Variants in INTS10 observed in about 807,000 individuals in gnomAD.
INTS10 encodes integrator complex subunit 10, also known as chromosome 8 open reading frame 35.
INTS10 carries 44 observed loss-of-function variants against 94.4 expected under a neutral mutation model. The observed-to-expected ratio is 0.47, with a 90% confidence interval of 0.37 to 0.60. The LOEUF (loss-of-function observed/expected upper bound fraction) is 0.60, where lower values mean the gene tolerates loss of function less well. Ranked by LOEUF, INTS10 falls within the 20% of genes least tolerant of loss-of-function variation. The pLI, the probability that INTS10 is intolerant of heterozygous loss-of-function variation, is 0.00. For synonymous variants in INTS10, 341 were observed against 320.7 expected (o/e 1.06, Z -0.68); for missense variants, 797 against 868.7 (o/e 0.92, Z 1.04).
chr8:19,835,796 G>T (rs2128788108), intron 12 of INTS10, among the ~76,000 whole-genome samples: 1 of 152,348 alleles, frequency 6.6e-6, no homozygotes, highest in Admixed American at 6.5e-5. Context: ...TTTTGGGGCA[G>T]TCAGCCATGA....
chr8:19,838,616 C>G (rs2067861952), intron 13 of INTS10, among the ~76,000 whole-genome samples: 1 of 152,044 alleles, frequency 6.6e-6, no homozygotes, highest in South Asian at 2.1e-4. Context: ...ATAGTAAAAC[C>G]AAACAAGAGT....
intron 7 of INTS10, chr8:19,824,303 C>A (rs532386423): frequency 1.5e-5 from 4 of 270,752 alleles, no homozygotes; most frequent in Admixed American, 5.2e-5. Context: ...ACCAGCCTAG[C>A]CAACATGGTG....
At chr8:19,848,520 A>G (rs2068760306) in intron 16 of INTS10, among the ~76,000 whole-genome samples, 1 of 152,224 alleles carries the variant, frequency 6.6e-6, no homozygotes, top group Non-Finnish European at 1.5e-5. Context: ...TAGGGTGGAT[A>G]ATAATGTTCT....
At chr8:19,820,341 C>T (rs201798733) in intron 3 of INTS10, 38 bp from the exon 4 acceptor site, 65 of 1,580,744 alleles carry the variant, frequency 4.1e-5, no homozygotes, top group Non-Finnish European at 5.0e-5. Context: ...CTTTTCTGTC[C>T]GCAAGAAACT....
rs147593225 is a variant in INTS10, at chr8:19,843,200, A to G, written c.1719+273A>G. On this transcript the variant is annotated intron_variant, in intron 14 of 16. Coordinates refer to ENST00000397977, the MANE Select transcript of INTS10 (RefSeq NM_018142.4). The surrounding 1 kb of genome is among the most constrained non-coding windows in gnomAD (Gnocchi z 4.7). ...CCTTGACTGTTGTAGTGTTTGGTAA[A>G]TATTTTATCAATATAAATATATTAG... 2.1e-4 allele frequency among the ~76,000 whole-genome samples: 32 copies of G among 152,354 alleles called. No homozygotes were observed. Among genetic ancestry groups the G allele is most frequent in the Admixed American group, 1.8e-3 (28 of 15,304 alleles).
In INTS10 at chr8:19,817,564, C is replaced by T; in HGVS notation, c.27C>T (p.Phe9=). 1 of 1,608,944 alleles carries T rather than the reference C, an allele frequency of 6.2e-7. No homozygotes were observed. The highest frequency in any genetic ancestry group is 8.5e-7 in the Non-Finnish European group (1 of 1,178,428). The change falls in exon 1 of 17, where the codon TTC becomes TTT. Residue 9 remains phenylalanine (F), a synonymous_variant. Coordinates refer to ENST00000397977, the MANE Select transcript of INTS10 (RefSeq NM_018142.4). MSAQGDCE[F]LVQRARELVP... ...TGTCTGCCCAGGGGGACTGCGAGTT[C>T]CTGGTGCAGCGAGCCCGGGAGTTGG...
intron 6 of INTS10, 114 bp from the exon 7 acceptor site, chr8:19,823,759 G>T: frequency 1.0e-6 from 1 of 961,912 alleles, no homozygotes; most frequent in Non-Finnish European, 1.5e-6. Context: ...ACATAAGTAT[G>T]TTGGAATTCT....
intron 10 of INTS10, among the ~76,000 whole-genome samples, chr8:19,830,763 C>G (rs1469521169): frequency 2.0e-5 from 3 of 152,166 alleles, no homozygotes; most frequent in Non-Finnish European, 2.9e-5. Flanking sequence ...ACGCTCACCT[C>G]CTGGGTTCAA....
intron 4 of INTS10, 70 bp from the exon 5 acceptor site, chr8:19,822,369 C>G: frequency 3.7e-6 from 3 of 816,514 alleles, no homozygotes; most frequent in South Asian, 3.2e-5. Context: ...AAAAAATACC[C>G]CATTACTTCA....
At chr8:19,850,400 G>A (rs1342405099) in intron 16 of INTS10, among the ~76,000 whole-genome samples, 1 of 152,108 alleles carries the variant, frequency 6.6e-6, no homozygotes, top group African/African-American at 2.4e-5. Context: ...TTACCCCACG[G>A]CCCTGCTGTT....
At chr8:19,850,131 CA>C (rs36017013) in intron 16 of INTS10, among the ~76,000 whole-genome samples, 100 of 130,644 alleles carry the variant, frequency 7.7e-4, no homozygotes, top group African/African-American at 2.4e-3. Context: ...GATGCCATCT[CA>C]AAAAAAAAAA....
In INTS10 at chr8:19,837,150, A is replaced by G; in HGVS notation, c.1629A>G (p.Lys543=). The stretch of plus-strand genomic sequence containing the variant: ...AGGAACCCTCGAAAGTAAAGCCCAA[A>G]TTTAGAAAAGGTACAGTGACATGTT... ...SQEEPSKVKP[K]FRKGSDLKLL... is the part of the protein sequence containing the mutation. Residue 543 remains lysine (K), a synonymous_variant, in exon 13 of 17, where the codon AAA becomes AAG. Coordinates refer to ENST00000397977, the MANE Select transcript of INTS10 (RefSeq NM_018142.4). 2 of 1,601,938 alleles carry G rather than the reference A, an allele frequency of 1.2e-6. No homozygotes were observed. The highest frequency in any genetic ancestry group is 1.7e-6 in the Non-Finnish European group (2 of 1,168,872).
chr8:19,824,875 T>C lies in INTS10; in HGVS notation c.909T>C (p.His303=), dbSNP rs2066668808. ...RYMNNFDSEA[H]AKYKNQVVYS... ...TGAACAACTTTGATAGTGAAGCACA[T>C]GCAAAATATAAAAACCAAGTGGTGT... is the stretch of plus-strand genomic sequence containing the variant. The change falls in exon 8 of 17, where the codon CAT becomes CAC. Residue 303 remains histidine (H), a synonymous_variant. Transcript: ENST00000397977. 5 of 1,613,290 alleles carry C rather than the reference T, an allele frequency of 3.1e-6. No individual in the cohort carries two copies. The highest frequency in any genetic ancestry group is 4.2e-6 in the Non-Finnish European group (5 of 1,179,234).
At chr8:19,829,541 T>G (rs1430503918) in intron 9 of INTS10, among the ~76,000 whole-genome samples, 1 of 152,190 alleles carries the variant, frequency 6.6e-6, no homozygotes, top group Non-Finnish European at 1.5e-5. Context: ...ACAAATGTAC[T>G]TTCTGACCAG....
At chr8:19,827,082 G>A (rs2066855578) in intron 9 of INTS10, among the ~76,000 whole-genome samples, 1 of 152,166 alleles carries the variant, frequency 6.6e-6, no homozygotes, top group Admixed American at 6.5e-5. Flanking sequence ...AAAGGCGAAG[G>A]GTTTTGTCAG....
Position 19,844,067 on chromosome 8 carries a change from G to C in INTS10, c.1720-9G>C, listed in dbSNP as rs1208190804. 1 of 1,578,812 alleles carries C rather than the reference G, an allele frequency of 6.3e-7. No homozygotes were observed. Among genetic ancestry groups the C allele is most frequent in the Non-Finnish European group, 8.6e-7 (1 of 1,162,742 alleles). On this transcript the variant is annotated splice_polypyrimidine_tract_variant and intron_variant, in intron 14 of 16. Transcript: ENST00000397977. ...TTCCTTCTGTCTTGTATAAATCTTT[G>C]TCTTGCAGCTTAGAGCTTTCACAGA...
intron 2 of INTS10, chr8:19,818,885 G>C (rs1054069094): frequency 6.6e-6 from 1 of 152,386 alleles, no homozygotes; most frequent in African/African-American, 2.4e-5. Context: ...TCTCTTCTTG[G>C]TAGACATTTA....
rs377245303 is a variant in INTS10, at chr8:19,845,991, T to C, written c.1976+194T>C. On this transcript the variant is annotated intron_variant, in intron 16 of 16. Coordinates refer to ENST00000397977, the MANE Select transcript of INTS10 (RefSeq NM_018142.4). ...CTTAACTACATTTCTTAAAACACTTTGCTTAAATTGGGGTATTTTTGTCAC... is the reference window on the plus strand; with the variant it reads ...CTTAACTACATTTCTTAAAACACTTCGCTTAAATTGGGGTATTTTTGTCAC... 978 of 473,884 alleles carry C rather than the reference T, an allele frequency of 2.1e-3. 23 individuals carry two copies. The South Asian group carries it at 0.035, about 17-fold the overall frequency. The allele number at this position is 473,884 out of a possible 1,614,324, so 29.4% of individuals were successfully genotyped here.
intron 8 of INTS10, among the ~76,000 whole-genome samples, chr8:19,825,894 T>C (rs1048039193): frequency 2.0e-5 from 3 of 152,194 alleles, no homozygotes; most frequent in Non-Finnish European, 4.4e-5. Context: ...ACTTGTATTC[T>C]ATTAGTGACA....
Sources: allele counts gnomAD v4.1 joint callset (sites outside exome capture counted in the v4.1 genomes callset), GRCh38; gene constraint gnomAD v4.1.1; non-coding constraint Gnocchi (gnomAD v3.1); transcripts MANE v1.5; gene names NCBI Gene and HGNC (gene_info 2026-07-23, HGNC 2026-07-21).